NF1: variants seen among roughly 807,000 people sequenced by gnomAD.
The protein encoded by NF1 is neurofibromin 1.
In NF1, 122 loss-of-function variants were observed where a neutral mutation model predicts 325.7. The ratio of observed to expected loss-of-function variants is 0.37; its 90% CI spans 0.32 to 0.44. The LOEUF (loss-of-function observed/expected upper bound fraction) is 0.44. NF1 is among the 20% of genes least tolerant of loss of function. NF1 has a pLI of 1.00. For missense variants in NF1, 2,140 were observed against 3,415.4 expected, an observed-to-expected ratio of 0.63 and a Z score of 9.31; for synonymous variants, 1,091 against 1,186.0, an observed-to-expected ratio of 0.92 and a Z score of 1.65.
At position 31,227,607 on chromosome 17, in the gene NF1, G is replaced by A. The variant is rs1555614022; in HGVS notation, c.2409+1G>A. Reference sequence around the variant, plus strand: ...AAAAGCCAAAATGGAAGATGGCCAGGTAAGTCTGTAAAGTTGACTTTTGTC... The same window carrying A: ...AAAAGCCAAAATGGAAGATGGCCAGATAAGTCTGTAAAGTTGACTTTTGTC... On this transcript the variant is annotated splice_donor_variant, in intron 20 of 57. Transcript: ENST00000358273. LOFTEE classifies it high-confidence loss of function. 2 of 1,613,370 alleles carry A rather than the reference G, an allele frequency of 1.2e-6. No homozygotes were observed. Among genetic ancestry groups the A allele is most frequent in the South Asian group, 1.1e-5 (1 of 91,080 alleles).
chr17:31,225,196 A>G lies in NF1; in HGVS notation c.1947A>G (p.Glu649=). 6.2e-7 allele frequency: 1 copy of G among 1,613,884 alleles called. No homozygotes were observed. The highest frequency in any genetic ancestry group is 8.5e-7 in the Non-Finnish European group (1 of 1,179,814). ...NTSQMSMDHE[E]LLRTPGASLR... Reference sequence around the variant, plus strand: ...GTCAAATGTCCATGGATCATGAAGAATTACTACGTACTCCTGGAGCCTCTC... The same window carrying G: ...GTCAAATGTCCATGGATCATGAAGAGTTACTACGTACTCCTGGAGCCTCTC... Residue 649 remains glutamate (E), a synonymous_variant, in exon 17 of 58, where the codon GAA becomes GAG. Coordinates refer to ENST00000358273, the MANE Select transcript of NF1 (RefSeq NM_001042492.3).
In NF1 at chr17:31,336,517, T is replaced by A. The variant is rs199946976; in HGVS notation, c.6147+44T>A. On this transcript the variant is annotated intron_variant, in intron 41 of 57. Transcript: ENST00000358273. This position sits in a 1 kb window ranked among gnomAD's most constrained non-coding sequence, Gnocchi z 5.5. ...CCTTCTGTACTATAGCATATCTGTTTTATCATCAGGAGGTTTTTTGTTTTG... is the reference window on the plus strand; with the variant it reads ...CCTTCTGTACTATAGCATATCTGTTATATCATCAGGAGGTTTTTTGTTTTG... 1 of 1,613,320 alleles carries A rather than the reference T, an allele frequency of 6.2e-7. No homozygotes were observed. Among genetic ancestry groups the A allele is most frequent in the Non-Finnish European group, 8.5e-7 (1 of 1,179,508 alleles).
At chr17:31,266,737 T>G (rs932951166) in intron 36 of NF1, among the ~76,000 whole-genome samples, 1 of 37,372 alleles carries the variant, frequency 2.7e-5, no homozygotes, top group Admixed American at 3.1e-4. Context: ...CAAAGCTGCG[T>G]TTTTTTTTTT....
chr17:31,098,323 A>C (rs1279295912), intron 1 of NF1, among the ~76,000 whole-genome samples: 1 of 151,884 alleles, frequency 6.6e-6, no homozygotes, highest in Non-Finnish European at 1.5e-5. Flanking sequence ...GTATCCCATA[A>C]AATTTGTTCT....
At chr17:31,268,419 G>A (rs1247330476) in intron 36 of NF1, among the ~76,000 whole-genome samples, 2 of 151,970 alleles carry the variant, frequency 1.3e-5, no homozygotes, top group African/African-American at 2.4e-5. Flanking sequence ...ATGAGGTCAG[G>A]AGATCAAGAC....
At chr17:31,260,298 A>G in intron 33 of NF1, 71 bp from the exon 34 acceptor site, 1 of 1,494,830 alleles carries the variant, frequency 6.7e-7, no homozygotes, top group Admixed American at 1.7e-5. Context: ...GTTACTTCTT[A>G]TAAATTTAAT....
chr17:31,140,808 C>T (rs542506332), intron 1 of NF1, among the ~76,000 whole-genome samples: 1 of 152,286 alleles, frequency 6.6e-6, no homozygotes, highest in South Asian at 2.1e-4. Context: ...TCATTTGCCA[C>T]AACTTGGTTG....
intron 15 of NF1, chr17:31,222,737 CT>C (rs959245076): frequency 3.2e-5 from 6 of 187,902 alleles, no homozygotes; most frequent in Admixed American, 6.4e-5. Context: ...ATTTCATTCT[CT>C]TTTTTTTAAT....
chr17:31,297,737 T>A (rs2068496247), intron 36 of NF1, among the ~76,000 whole-genome samples: 1 of 152,200 alleles, frequency 6.6e-6, no homozygotes, highest in Non-Finnish European at 1.5e-5. Flanking sequence ...TTATGACTTT[T>A]ATGTCTTCCC....
At chr17:31,238,404 C>G (rs899453920) in intron 29 of NF1, among the ~76,000 whole-genome samples, 8 of 152,186 alleles carry the variant, frequency 5.3e-5, no homozygotes, top group African/African-American at 1.7e-4. Context: ...CACCTCCAGC[C>G]CCCTCTAGCG....
chr17:31,119,068 A>G (rs527499722), intron 1 of NF1, among the ~76,000 whole-genome samples: 1 of 151,672 alleles, frequency 6.6e-6, no homozygotes, highest in East Asian at 1.9e-4. Context: ...CAGCCTCTCC[A>G]CTAGCTGGGA....
chr17:31,202,620 T>C (rs1306054104), intron 11 of NF1, among the ~76,000 whole-genome samples: 2 of 152,174 alleles, frequency 1.3e-5, no homozygotes, highest in Non-Finnish European at 1.5e-5. Flanking sequence ...ATGCCAGTTG[T>C]GCTGCATCTC....
intron 1 of NF1, among the ~76,000 whole-genome samples, chr17:31,134,022 GT>G (rs1056803060): frequency 4.6e-5 from 7 of 151,274 alleles, no homozygotes; most frequent in East Asian, 1.9e-4. Context: ...TGACTTTTTG[GT>G]TTTTTTTTAA....
chr17:31,341,090 T>C (rs746717460), intron 47 of NF1, among the ~76,000 whole-genome samples: 1 of 152,168 alleles, frequency 6.6e-6, no homozygotes, highest in Non-Finnish European at 1.5e-5. Flanking sequence ...AATCTAAAAG[T>C]AATCTTAGTT....
At position 31,156,076 on chromosome 17, in the gene NF1, T is replaced by C; in HGVS notation, c.154T>C (p.Ser52Pro). The C allele has an allele frequency of 6.2e-7, 1 of 1,613,820 alleles. No homozygotes were observed. The highest frequency in any genetic ancestry group is 8.5e-7 in the Non-Finnish European group (1 of 1,179,818). Residue 52 changes from serine (S) to proline (P), a missense_variant, in exon 2 of 58, where the codon TCT becomes CCT. Ser to Pro is a moderately conservative substitution (Grantham distance 74, BLOSUM62 -1). Coordinates refer to ENST00000358273, the MANE Select transcript of NF1 (RefSeq NM_001042492.3). Reference protein sequence around the residue: ...CLINISKYKFSLVISGLTTIL... With the variant: ...CLINISKYKFPLVISGLTTIL... ...AATCAATATTTCCAAATACAAGTTT[T>C]CTTTGGTTATAAGCGGCCTCACTAC...
intron 16 of NF1, among the ~76,000 whole-genome samples, chr17:31,224,576 A>G (rs1473119510): frequency 3.3e-5 from 5 of 152,140 alleles, no homozygotes; most frequent in African/African-American, 2.4e-5. Flanking sequence ...CGCCTATGGT[A>G]TAATCTCCAG....
intron 1 of NF1, chr17:31,133,692 TG>T (rs1759317801): frequency 6.6e-6 from 1 of 152,282 alleles, no homozygotes; most frequent in Non-Finnish European, 1.5e-5. Context: ...AGTCTCACTC[TG>T]TTGCCCAGGC....
At chr17:31,230,433 A>G (rs1351735622) in intron 23 of NF1, 51 bp downstream of exon 23, 3 of 1,605,822 alleles carry the variant, frequency 1.9e-6, no homozygotes, top group South Asian at 2.2e-5. Flanking sequence ...AATATGTCCA[A>G]TGAAGTACAG....
rs1329683225 is a variant in NF1, at chr17:31,357,091, G to A, written c.7869+1G>A. ...CCAGGCGCTGCTTCTTACTGTTCTA[G>A]TAAGGATTTCCCCTTTTTGAGTCCC... On this transcript the variant is annotated splice_donor_variant, in intron 53 of 57. Coordinates refer to ENST00000358273, the MANE Select transcript of NF1 (RefSeq NM_001042492.3). LOFTEE classifies it high-confidence loss of function. 1 of 1,613,292 alleles carries A rather than the reference G, an allele frequency of 6.2e-7. No individual in the cohort carries two copies. The highest frequency in any genetic ancestry group is 8.5e-7 in the Non-Finnish European group (1 of 1,179,948).
Sources: gnomAD v4.1 joint callset for allele counts (sites outside exome capture counted in the v4.1 genomes callset) on GRCh38, gnomAD v4.1.1 for gene constraint, Gnocchi (gnomAD v3.1) non-coding constraint, MANE v1.5 for transcripts, NCBI Gene and HGNC (gene_info 2026-07-23, HGNC 2026-07-21) for gene names.